RCE1: variants seen among roughly 807,000 people sequenced by gnomAD.
RCE1 encodes the protein Ras converting CAAX endopeptidase 1.
Under a neutral mutation model 35.0 loss-of-function variants are expected in RCE1, and 15 were observed. That is an observed-to-expected ratio of 0.43 (90% CI 0.29 to 0.66). RCE1 has a LOEUF of 0.66. Ranked by LOEUF, RCE1 falls within the 30% of genes least tolerant of loss-of-function variation. RCE1 has a pLI of 0.17. For missense variants in RCE1, 434 were observed against 433.0 expected (o/e 1.00, Z -0.02); for synonymous variants, 261 against 192.7 (o/e 1.35, Z -2.94).
rs1286820618 is a variant in RCE1, at chr11:66,844,327, C to T, written c.414C>T (p.Cys138=). The change falls in exon 4 of 8, where the codon TGC becomes TGT. Residue 138 remains cysteine (C), a synonymous_variant. Coordinates refer to ENST00000309657, the MANE Select transcript of RCE1 (RefSeq NM_005133.3). ...LGPLMQLSMD[C]PCDLADGLKV... is the part of the protein sequence containing the mutation. ...CACTGATGCAGCTCTCTATGGATTGCCCTTGTGACCTGGCAGATGGGCTGA... is the reference window on the plus strand; with the variant it reads ...CACTGATGCAGCTCTCTATGGATTGTCCTTGTGACCTGGCAGATGGGCTGA... The T allele has an allele frequency of 1.2e-6, 2 of 1,614,090 alleles. No homozygotes were observed. Among genetic ancestry groups the T allele is most frequent in the South Asian group, 1.1e-5 (1 of 91,072 alleles).
chr11:66,844,684 G>A (rs1354966559), intron 4 of RCE1, 185 bp from the exon 5 acceptor site: 1 of 948,282 alleles, frequency 1.1e-6, no homozygotes, highest in Non-Finnish European at 1.5e-6. Context: ...CTCAGCTAAT[G>A]CCTTCCATTC....
At position 66,846,271 on chromosome 11, in the gene RCE1, G is replaced by A. The variant is rs924584816; in HGVS notation, c.*176G>A. 80 of 803,594 alleles carry A rather than the reference G, an allele frequency of 1.0e-4. No individual in the cohort carries two copies. The highest frequency in any genetic ancestry group is 2.3e-4 in the South Asian group (11 of 48,846). The allele number at this position is 803,594 out of a possible 1,614,324, so 49.8% of individuals were successfully genotyped here. ...AGAGAAAGAAGCAGATATCCAAAGGGTGCAGCCCCTTTTGAAAGGGGTGTT... is the reference window on the plus strand; with the variant it reads ...AGAGAAAGAAGCAGATATCCAAAGGATGCAGCCCCTTTTGAAAGGGGTGTT... On this transcript the variant is annotated 3_prime_UTR_variant, in exon 8 of 8. Coordinates refer to ENST00000309657, the MANE Select transcript of RCE1 (RefSeq NM_005133.3).
At chr11:66,844,729 C>T in intron 4 of RCE1, 140 bp from the exon 5 acceptor site, 2 of 1,245,204 alleles carry the variant, frequency 1.6e-6, no homozygotes, top group Non-Finnish European at 2.1e-6. Context: ...ATGTTGGGTC[C>T]ACACCCCCGT....
At chr11:66,844,628 G>T (rs1945168620) in intron 4 of RCE1, 1 of 739,050 alleles carries the variant, frequency 1.4e-6, no homozygotes, top group African/African-American at 1.8e-5. Context: ...AGCTAGTCTT[G>T]CTTAAATTTT....
Position 66,844,012 on chromosome 11 carries a change from G to T in RCE1, c.345G>T (p.Ala115=). The change falls in exon 3 of 8, where the codon GCG becomes GCT. Residue 115 remains alanine, a synonymous_variant. Transcript: ENST00000309657. ...TCAGGCTGGAGGGCATTTTCCCAGC[G>T]GCGCTGCTGCCCCTGTTGCTGACCA... is the stretch of plus-strand genomic sequence containing the variant. ...MGFRLEGIFP[A]ALLPLLLTMI... 2 of 1,614,118 alleles carry T rather than the reference G, an allele frequency of 1.2e-6. No individual in the cohort carries two copies. Among genetic ancestry groups the T allele is most frequent in the Non-Finnish European group, 1.7e-6 (2 of 1,180,036 alleles).
chr11:66,846,200 T>C lies in RCE1; in HGVS notation c.*105T>C. On this transcript the variant is annotated 3_prime_UTR_variant, in exon 8 of 8. Transcript: ENST00000309657. ...GCTGGGGTCCCCGAGATCTCAGGAA[T>C]TTTTGTAGGGGATTGAAGCCAGAGC... 2 of 1,394,444 alleles carry C rather than the reference T, an allele frequency of 1.4e-6. No homozygotes were observed. The highest frequency in any genetic ancestry group is 1.9e-6 in the Non-Finnish European group (2 of 1,048,174). The allele number at this position is 1,394,444 out of a possible 1,614,324, so 86.4% of individuals were successfully genotyped here.
At chr11:66,843,917 G>A (rs1262512936) in intron 2 of RCE1, 39 bp from the exon 3 acceptor site, 7 of 1,613,962 alleles carry the variant, frequency 4.3e-6, no homozygotes, top group Admixed American at 1.7e-5. Flanking sequence ...GGTCTTTAGG[G>A]GAGGAAGCAA....
At chr11:66,845,667 G>A in intron 7 of RCE1, 105 bp downstream of exon 7, 1 of 1,562,918 alleles carries the variant, frequency 6.4e-7, no homozygotes, top group East Asian at 2.3e-5. Flanking sequence ...TCCAGTCCTT[G>A]AGACAGGCTG....
intron 4 of RCE1, 152 bp downstream of exon 4, chr11:66,844,516 T>C: frequency 1.7e-6 from 2 of 1,143,918 alleles, no homozygotes; most frequent in East Asian, 5.1e-5. Context: ...TAGAGCTAGG[T>C]GGCCTCTAAG....
intron 4 of RCE1, 97 bp from the exon 5 acceptor site, chr11:66,844,772 G>C: frequency 3.5e-6 from 5 of 1,433,868 alleles, no homozygotes; most frequent in Non-Finnish European, 4.6e-6. Flanking sequence ...CCTGAGTTTG[G>C]CCAGGGTAAA....
chr11:66,844,219 CAGGG>C (rs953340463), intron 3 of RCE1, 63 bp from the exon 4 acceptor site: 2 of 1,609,700 alleles, frequency 1.2e-6, no homozygotes, highest in African/African-American at 2.7e-5. Context: ...CTTGGAGTCT[CAGGG>C]AGCATGGGCA....
chr11:66,845,399 GC>G, intron 6 of RCE1, 100 bp from the exon 7 acceptor site: 4 of 1,594,280 alleles, frequency 2.5e-6, no homozygotes, highest in Non-Finnish European at 3.4e-6. Context: ...GGCAGCTACT[GC>G]CCCGGGGGGA....
At position 66,844,979 on chromosome 11, in the gene RCE1, G is replaced by A. The variant is rs750149860; in HGVS notation, c.562G>A (p.Ala188Thr). The A allele has an allele frequency of 6.2e-7, 1 of 1,606,818 alleles. No individual in the cohort carries two copies. The highest frequency in any genetic ancestry group is 8.5e-7 in the Non-Finnish European group (1 of 1,176,138). Residue 188 changes from alanine to threonine, a missense_variant, in exon 5 of 8, where the codon GCA (alanine) becomes ACA (threonine). Coordinates refer to ENST00000309657, the MANE Select transcript of RCE1 (RefSeq NM_005133.3). ...VFRACMLPMLAPCMGLGPAVF... is the reference protein window; with the variant it reads ...VFRACMLPMLTPCMGLGPAVF... ...CCGGGCCTGTATGCTGCCCATGTTA[G>A]CACCGTGCATGGGCCTGGGCCCTGC...
intron 4 of RCE1, 155 bp from the exon 5 acceptor site, chr11:66,844,714 G>A: frequency 8.8e-7 from 1 of 1,133,012 alleles, no homozygotes; most frequent in African/African-American, 1.6e-5. Flanking sequence ...CAAGACATTG[G>A]GTTTATGTTG....
rs1450304610 is a variant in RCE1, at chr11:66,843,944, C to T, written c.289-12C>T. ...AGGAAGCAAAACTGATGCCCCCTTTCCTGTGGCTCAGCCAGGCACATCCCT... is the reference window on the plus strand; with the variant it reads ...AGGAAGCAAAACTGATGCCCCCTTTTCTGTGGCTCAGCCAGGCACATCCCT... On this transcript the variant is annotated splice_polypyrimidine_tract_variant and intron_variant, in intron 2 of 7. Transcript: ENST00000309657. 17 of 1,614,026 alleles carry T rather than the reference C, an allele frequency of 1.1e-5. No individual in the cohort carries two copies. The highest frequency in any genetic ancestry group is 1.3e-5 in the African/African-American group (1 of 74,926).
chr11:66,844,145 T>G, intron 3 of RCE1, 106 bp downstream of exon 3: 1 of 1,592,026 alleles, frequency 6.3e-7, no homozygotes, highest in Non-Finnish European at 8.6e-7. Flanking sequence ...ACAGGACTTT[T>G]GAGATGGCCC....
At position 66,843,658 on chromosome 11, in the gene RCE1, G is replaced by T; in HGVS notation, c.185+18G>T. 1.9e-6 allele frequency: 3 copies of T among 1,603,074 alleles called. No homozygotes were observed. The South Asian group carries it at 3.3e-5, about 18-fold the overall frequency. ...CTGCCCAGGTGCGGGGGCTGCGCGCGACCGGAATCCGCGCCCTGCGGGCGG... is the reference window on the plus strand; with the variant it reads ...CTGCCCAGGTGCGGGGGCTGCGCGCTACCGGAATCCGCGCCCTGCGGGCGG... On this transcript the variant is annotated intron_variant, in intron 1 of 7. Coordinates refer to ENST00000309657, the MANE Select transcript of RCE1 (RefSeq NM_005133.3).
chr11:66,844,851 C>T lies in RCE1; in HGVS notation c.452-18C>T, dbSNP rs762127880. On this transcript the variant is annotated intron_variant, in intron 4 of 7. Coordinates refer to ENST00000309657, the MANE Select transcript of RCE1 (RefSeq NM_005133.3). ...TGACAGCCCGTCACTCACAGCTTGT[C>T]CTGAATTCCCTCTGCAGCCCCCCGC... The T allele has an allele frequency of 2.6e-6, 4 of 1,516,994 alleles. No homozygotes were observed. Among genetic ancestry groups the T allele is most frequent in the Admixed American group, 4.4e-5 (2 of 44,988 alleles). The allele number at this position is 1,516,994 out of a possible 1,614,324, so 94.0% of individuals were successfully genotyped here.
chr11:66,846,251 AAGAAGC>A lies in RCE1; in HGVS notation c.*160_*165del, dbSNP rs1945207569. The A allele has an allele frequency of 8.4e-6, 8 of 957,108 alleles. No homozygotes were observed. The highest frequency in any genetic ancestry group is 4.5e-6 in the Non-Finnish European group (3 of 665,750). The allele number at this position is 957,108 out of a possible 1,614,324, so 59.3% of individuals were successfully genotyped here. A position where few individuals can be genotyped will look rare whatever the true frequency, so the allele number is the denominator to read the frequency against. On this transcript the variant is annotated 3_prime_UTR_variant, in exon 8 of 8. Transcript: ENST00000309657. ...TAGTTGCGTCCCAGGGACCAAGAGA[AAGAAGC>A]AGATATCCAAAGGGTGCAGCCCCTT...
Sources: allele counts gnomAD v4.1 joint callset, GRCh38; gene constraint gnomAD v4.1.1; transcripts MANE v1.5; gene names NCBI Gene and HGNC (gene_info 2026-07-23, HGNC 2026-07-21).